Variants in PPP1R16A observed in about 807,000 individuals in gnomAD.
PPP1R16A encodes myosin phosphatase-targeting subunit 3.
Under a neutral mutation model 46.6 loss-of-function variants are expected in PPP1R16A, and 39 were observed. That is an observed-to-expected ratio of 0.84 (90% confidence interval 0.65 to 1.09). The LOEUF (loss-of-function observed/expected upper bound fraction) is 1.09, where lower values mean the gene tolerates loss of function less well. Among genes scored for constraint, PPP1R16A ranks in the 50% least tolerant of loss-of-function variants. The pLI, the probability that PPP1R16A is intolerant of heterozygous loss-of-function variation, is 0.00. For synonymous variants in PPP1R16A, 413 were observed against 321.5 expected, an observed-to-expected ratio of 1.28 and a Z score of -3.04; for missense variants, 798 against 735.6, an observed-to-expected ratio of 1.08 and a Z score of -0.98.
intron 2 of PPP1R16A, chr8:144,495,342 G>A (rs1250466845): frequency 6.6e-6 from 1 of 152,274 alleles, no homozygotes; most frequent in Non-Finnish European, 1.5e-5. Flanking sequence ...TGAAGAGTTG[G>A]GTCAGTGTGT....
At chr8:144,486,878 G>A (rs1001166476) in intron 1 of PPP1R16A, among the ~76,000 whole-genome samples, 1 of 152,102 alleles carries the variant, frequency 6.6e-6, no homozygotes, top group African/African-American at 2.4e-5. Context: ...TCCGTTTTCC[G>A]TTTTATAGAC....
chr8:144,486,364 A>G (rs1488437207), intron 1 of PPP1R16A, among the ~76,000 whole-genome samples: 1 of 152,002 alleles, frequency 6.6e-6, no homozygotes, highest in African/African-American at 2.4e-5. Flanking sequence ...ACCACGCCTG[A>G]CTTAAATTTT....
chr8:144,499,198 T>C (rs1586758685), intron 5 of PPP1R16A, 137 bp downstream of exon 5: 2 of 1,153,344 alleles, frequency 1.7e-6, no homozygotes, highest in East Asian at 2.6e-5. Flanking sequence ...GCCTGTGTCC[T>C]GGCATGGAGA....
intron 11 of PPP1R16A, 69 bp downstream of exon 11, chr8:144,501,363 T>G: frequency 6.6e-7 from 1 of 1,509,788 alleles, no homozygotes; most frequent in Non-Finnish European, 8.8e-7. Context: ...CTCTCTCCGC[T>G]TGGACCCCCT....
At position 144,486,945 on chromosome 8, in the gene PPP1R16A, G is replaced by A. The variant is rs147100121; in HGVS notation, c.-913-3089G>A. 3.4e-3 allele frequency among the ~76,000 whole-genome samples: 524 copies of A among 152,164 alleles called. 1 individual carries two copies. Among genetic ancestry groups the A allele is most frequent in the African/African-American group, 6.3e-3 (262 of 41,506 alleles). The stretch of plus-strand genomic sequence containing the variant: ...AGAAGTGCTATTATTTTACCTTTAC[G>A]TTAGATTTGCATTTCACCTGGGGTG... On this transcript the variant is annotated intron_variant, in intron 1 of 11. Coordinates refer to ENST00000435887, the MANE Select transcript of PPP1R16A (RefSeq NM_001329443.2).
chr8:144,501,545 C>A lies in PPP1R16A; in HGVS notation c.1229C>A (p.Pro410Gln), dbSNP rs746444835. ...PEEDNPEVVR[P>Q]HNGRVGGSPV... ...GAGGACAACCCCGAAGTGGTCAGGC[C>A]GCACAATGGCCGAGTAGGGGGCTCC... Residue 410 changes from proline to glutamine, a missense_variant, in exon 12 of 12, where the codon CCG becomes CAG. Physicochemically the swap from Pro to Gln is moderately conservative, Grantham distance 76. Transcript: ENST00000435887. 3.8e-6 allele frequency: 6 copies of A among 1,580,726 alleles called. No individual in the cohort carries two copies. The Admixed American group carries it at 1.1e-4, about 28-fold the overall frequency.
chr8:144,499,989 G>A lies in PPP1R16A; in HGVS notation c.477-107G>A, dbSNP rs544354424. 4 of 1,182,548 alleles carry A rather than the reference G, an allele frequency of 3.4e-6. No individual in the cohort carries two copies. The Admixed American group carries it at 6.4e-5, about 19-fold the overall frequency. The allele number at this position is 1,182,548 out of a possible 1,614,324, so 73.3% of individuals were successfully genotyped here. ...GCAGCAGGTGGACAGGGTGCCTCCT[G>A]AGGGGCAGCCCTGGGCTGAGGGGCC... On this transcript the variant is annotated intron_variant, in intron 5 of 11. Coordinates refer to ENST00000435887, the MANE Select transcript of PPP1R16A (RefSeq NM_001329443.2).
intron 5 of PPP1R16A, 154 bp downstream of exon 5, chr8:144,499,215 C>T: frequency 9.9e-7 from 1 of 1,005,074 alleles, no homozygotes; most frequent in South Asian, 1.8e-5. Context: ...GAGAGCAGGG[C>T]CTGGGGCTCC....
intron 5 of PPP1R16A, chr8:144,499,760 G>C: frequency 3.4e-6 from 1 of 296,188 alleles, no homozygotes; most frequent in Non-Finnish European, 6.4e-6. Flanking sequence ...GCCCCTCAGC[G>C]TGGCTGCCTG....
intron 1 of PPP1R16A, among the ~76,000 whole-genome samples, chr8:144,485,468 G>T (rs1021877622): frequency 6.6e-6 from 1 of 150,956 alleles, no homozygotes; most frequent in African/African-American, 2.4e-5. Flanking sequence ...AGCTTGCAGT[G>T]AGCTGAGATT....
chr8:144,497,175 G>T lies in PPP1R16A; in HGVS notation c.-20G>T, dbSNP rs372614035. Reference sequence around the variant, plus strand: ...CCACTCTGGTGCCCCGAGCAGCCCTGTGGGCAAGCAGCCGCCGCCATGGCC... The same window carrying T: ...CCACTCTGGTGCCCCGAGCAGCCCTTTGGGCAAGCAGCCGCCGCCATGGCC... On this transcript the variant is annotated 5_prime_UTR_variant, in exon 3 of 12. Transcript: ENST00000435887. The T allele has an allele frequency of 5.8e-6, 9 of 1,547,088 alleles. No individual in the cohort carries two copies. The highest frequency in any genetic ancestry group is 7.8e-6 in the Non-Finnish European group (9 of 1,148,656).
chr8:144,484,665 T>G (rs7003836), intron 1 of PPP1R16A, among the ~76,000 whole-genome samples: 77,757 of 152,042 alleles, frequency 0.51, 20,266 homozygotes, highest in Middle Eastern at 0.63. Flanking sequence ...GATGCAACGC[T>G]TCCCCTGGTT....
At chr8:144,485,825 T>C (rs1375499663) in intron 1 of PPP1R16A, among the ~76,000 whole-genome samples, 1 of 152,174 alleles carries the variant, frequency 6.6e-6, no homozygotes, top group Admixed American at 6.5e-5. Flanking sequence ...GCTGCCCTCT[T>C]GCAGCCACAG....
In PPP1R16A at chr8:144,497,097, G is replaced by A; in HGVS notation, c.-98G>A. ...CTGGGAAGGGGATGCCCCCGAGGGT[G>A]CCAGTCCAGCTAGCTGCCCCACCCC... is the stretch of plus-strand genomic sequence containing the variant. On this transcript the variant is annotated 5_prime_UTR_variant, in exon 3 of 12. Coordinates refer to ENST00000435887, the MANE Select transcript of PPP1R16A (RefSeq NM_001329443.2). The A allele has an allele frequency of 6.8e-7, 1 of 1,477,310 alleles. No individual in the cohort carries two copies. Among genetic ancestry groups the A allele is most frequent in the Non-Finnish European group, 9.1e-7 (1 of 1,097,276 alleles). 91.5% of individuals were successfully genotyped at this position (1,477,310 alleles called of 1,614,324 possible).
intron 1 of PPP1R16A, among the ~76,000 whole-genome samples, chr8:144,488,763 G>A (rs544950281): frequency 3.1e-4 from 47 of 152,196 alleles, no homozygotes; most frequent in African/African-American, 1.1e-3. Flanking sequence ...GGGATGCTCA[G>A]GGAGAGGATG....
chr8:144,495,530 G>C (rs1292975525), intron 2 of PPP1R16A: 2 of 152,260 alleles, frequency 1.3e-5, no homozygotes, highest in African/African-American at 4.8e-5. Context: ...CTGCCTCCCT[G>C]GTTCACGCCA....
intron 1 of PPP1R16A, among the ~76,000 whole-genome samples, chr8:144,482,351 C>T (rs1825466573): frequency 6.6e-6 from 1 of 152,128 alleles, no homozygotes; most frequent in Non-Finnish European, 1.5e-5. Context: ...AGCCACCGCT[C>T]CTGGCCAGTT....
chr8:144,500,768 T>C lies in PPP1R16A; in HGVS notation c.907+7T>C. The stretch of plus-strand genomic sequence containing the variant: ...ATGGACGAGACGCCCCTTGGTGAGC[T>C]TGCGGGGCCCACCTCCACCTGGGGG... On this transcript the variant is annotated splice_region_variant and intron_variant, in intron 9 of 11. Transcript: ENST00000435887. 1.9e-6 allele frequency: 3 copies of C among 1,610,844 alleles called. No homozygotes were observed. Among genetic ancestry groups the C allele is most frequent in the Non-Finnish European group, 2.5e-6 (3 of 1,179,316 alleles).
chr8:144,496,941 A>C lies in PPP1R16A; in HGVS notation c.-254A>C. ...GGCGAGGCGCTGCTTGTCGACAGCT[A>C]GAGGCTGGCCTGGGGAGCAGGTTTG... On this transcript the variant is annotated 5_prime_UTR_variant, in exon 3 of 12. Transcript: ENST00000435887. 1 of 582,794 alleles carries C rather than the reference A, an allele frequency of 1.7e-6. No homozygotes were observed. The highest frequency in any genetic ancestry group is 3.1e-6 in the Non-Finnish European group (1 of 326,972). The allele number at this position is 582,794 out of a possible 1,614,324, so 36.1% of individuals were successfully genotyped here.
Sources: gnomAD v4.1 joint callset for allele counts (sites outside exome capture counted in the v4.1 genomes callset) on GRCh38, gnomAD v4.1.1 for gene constraint, MANE v1.5 for transcripts, NCBI Gene and HGNC (gene_info 2026-07-23, HGNC 2026-07-21) for gene names.